Variants in A3GALT2 observed in about 807,000 individuals in gnomAD.
The protein encoded by A3GALT2 is alpha-1,3-galactosyltransferase 2.
A neutral mutation model predicts 16.6 loss-of-function variants in A3GALT2; 14 were observed. The ratio of observed to expected loss-of-function variants is 0.84; its 90% CI spans 0.56 to 1.32. A3GALT2 has a LOEUF of 1.32. A3GALT2 is among the 40% of genes most tolerant of loss of function. The probability of loss-of-function intolerance (pLI) is 0.00; values close to 1 mark genes in which losing one functional copy is unlikely to be tolerated. For synonymous variants in A3GALT2, 253 were observed against 218.0 expected (o/e 1.16, Z -1.42); for missense variants, 600 against 490.9 (o/e 1.22, Z -2.10).
rs56655319 is a variant in A3GALT2, at chr1:33,308,750, G to GTTTTTTTTTTTTTTTTTTTTTTTT, written c.336-1321_336-1298dup. ...ATTATTTTTTTGTCATGTCAAAGTT[G>GTTTTTTTTTTTTTTTTTTTTTTTT]TTTTTTTTTTTTTTTTTTTTTTTTT... is the stretch of plus-strand genomic sequence containing the variant. On this transcript the variant is annotated intron_variant, in intron 4 of 4. Transcript: ENST00000442999. 1.7e-4 allele frequency among the ~76,000 whole-genome samples: 8 copies of GTTTTTTTTTTTTTTTTTTTTTTTT among 46,126 alleles called. 1 individual carries two copies. The highest frequency in any genetic ancestry group is 3.7e-4 in the African/African-American group (3 of 8,196). 30.3% of individuals were successfully genotyped at this position (46,126 alleles called of 152,430 possible).
intron 1 of A3GALT2, among the ~76,000 whole-genome samples, chr1:33,317,038 T>C (rs913639659): frequency 2.0e-5 from 3 of 152,114 alleles, no homozygotes; most frequent in African/African-American, 7.2e-5. Context: ...TGTGCTTGTT[T>C]CCCTTACACA....
At chr1:33,315,856 T>C (rs1646259014) in intron 1 of A3GALT2, among the ~76,000 whole-genome samples, 1 of 152,156 alleles carries the variant, frequency 6.6e-6, no homozygotes. Flanking sequence ...CTGTGCTAAG[T>C]CAGGGATTCA....
At chr1:33,318,804 C>G (rs922404706) in intron 1 of A3GALT2, among the ~76,000 whole-genome samples, 1 of 152,222 alleles carries the variant, frequency 6.6e-6, no homozygotes, top group African/African-American at 2.4e-5. Context: ...TCCCAGACCT[C>G]TCCTCCAGTA....
chr1:33,306,905 T>C lies in A3GALT2; in HGVS notation c.884A>G (p.Asn295Ser), dbSNP rs1307984379. ...GGGCTTGTGCAGCCAGAAGAACTTG[T>C]TGAGGTGGCTCTCGTCGTGCCAGCG... ...EARWHDESHL[N>S]KFFWLHKPAK... The change falls in exon 5 of 5, where the codon AAC (asparagine) becomes AGC (serine). Residue 295 changes from asparagine to serine, a missense_variant. By Grantham distance (46) the Asn-to-Ser change is conservative. Transcript: ENST00000442999. The C allele has an allele frequency of 6.6e-7, 1 of 1,522,698 alleles. No homozygotes were observed. 94.3% of individuals were successfully genotyped at this position (1,522,698 alleles called of 1,614,324 possible).
In A3GALT2 at chr1:33,314,994, C is replaced by T. The variant is rs570411755; in HGVS notation, c.24-2104G>A. Among the ~76,000 whole-genome samples the T allele has an allele frequency of 2.6e-5, 4 of 152,122 alleles. No homozygotes were observed. In the South Asian group the frequency reaches 8.3e-4, roughly 32 times the overall value. Reference sequence around the variant, plus strand: ...GCTGGGAGGGGCTTGTGCATGTAATCCCAGTGTTTTCGGAGGTCAAGGCAG... The same window carrying T: ...GCTGGGAGGGGCTTGTGCATGTAATTCCAGTGTTTTCGGAGGTCAAGGCAG... On this transcript the variant is annotated intron_variant, in intron 1 of 4. Coordinates refer to ENST00000442999, the MANE Select transcript of A3GALT2 (RefSeq NM_001080438.1).
intron 1 of A3GALT2, among the ~76,000 whole-genome samples, chr1:33,318,293 A>G (rs988656988): frequency 1.3e-5 from 2 of 152,204 alleles, no homozygotes; most frequent in Admixed American, 6.5e-5. Flanking sequence ...AAATAAAAAT[A>G]TTGTTACAAA....
intron 1 of A3GALT2, among the ~76,000 whole-genome samples, chr1:33,316,940 G>A (rs1646264639): frequency 6.6e-6 from 1 of 152,132 alleles, no homozygotes; most frequent in African/African-American, 2.4e-5. Context: ...TTGGGTGGGA[G>A]TGGGGCTGTC....
Position 33,306,929 on chromosome 1 carries a change from C to G in A3GALT2, c.860G>C (p.Arg287Pro), listed in dbSNP as rs913778370. Reference protein sequence around the residue: ...DWDRARGLEARWHDESHLNKF... With the variant: ...DWDRARGLEAPWHDESHLNKF... ...GTTGAGGTGGCTCTCGTCGTGCCAG[C>G]GCGCCTCCAGGCCGCGCGCGCGGTC... Residue 287 changes from arginine (R) to proline (P), a missense_variant, in exon 5 of 5, where the codon CGC (arginine) becomes CCC (proline). By Grantham distance (103) the Arg-to-Pro change is moderately radical. Coordinates refer to ENST00000442999, the MANE Select transcript of A3GALT2 (RefSeq NM_001080438.1). The G allele has an allele frequency of 2.3e-5, 35 of 1,516,884 alleles. No homozygotes were observed. The highest frequency in any genetic ancestry group is 2.9e-5 in the Non-Finnish European group (33 of 1,138,770). 94.0% of individuals were successfully genotyped at this position (1,516,884 alleles called of 1,614,324 possible).
At position 33,307,398 on chromosome 1, in the gene A3GALT2, C is replaced by G; in HGVS notation, c.391G>C (p.Ala131Pro). Reference sequence around the variant, plus strand: ...ACGTAGTACATCACGCTCTGGCCCGCCATGAAGTGCTGCTCCGCCGTCTCC... The same window carrying G: ...ACGTAGTACATCACGCTCTGGCCCGGCATGAAGTGCTGCTCCGCCGTCTCC... ...FLETAEQHFMAGQSVMYYVFT... is the reference protein window; with the variant it reads ...FLETAEQHFMPGQSVMYYVFT... The change falls in exon 5 of 5, where the codon GCG becomes CCG. Residue 131 changes from alanine (A) to proline (P), a missense_variant. By Grantham distance (27) the Ala-to-Pro change is conservative (BLOSUM62 -1). Coordinates refer to ENST00000442999, the MANE Select transcript of A3GALT2 (RefSeq NM_001080438.1). 6.4e-7 allele frequency: 1 copy of G among 1,562,404 alleles called. No individual in the cohort carries two copies. Among genetic ancestry groups the G allele is most frequent in the Admixed American group, 1.8e-5 (1 of 54,294 alleles).
intron 1 of A3GALT2, among the ~76,000 whole-genome samples, chr1:33,319,764 C>T (rs576202456): frequency 6.6e-6 from 1 of 152,312 alleles, no homozygotes; most frequent in Non-Finnish European, 1.5e-5. Context: ...CATTCCCTGC[C>T]TCCTGGGGCA....
intron 1 of A3GALT2, among the ~76,000 whole-genome samples, chr1:33,315,995 C>T (rs761210612): frequency 6.6e-6 from 1 of 152,080 alleles, no homozygotes; most frequent in Non-Finnish European, 1.5e-5. Context: ...TGGAACACGG[C>T]ACAATGAATG....
Position 33,307,318 on chromosome 1 carries a change from C to A in A3GALT2, c.471G>T (p.Arg157=). The change falls in exon 5 of 5, where the codon CGG becomes CGT. Residue 157 remains arginine (R), a synonymous_variant. Coordinates refer to ENST00000442999, the MANE Select transcript of A3GALT2 (RefSeq NM_001080438.1). Reference sequence around the variant, plus strand: ...CGCGCGCCACGCGCTCCACGGGCAGCCGGCGTCCCGGGCCCAGCGCCACGC... The same window carrying A: ...CGCGCGCCACGCGCTCCACGGGCAGACGGCGTCCCGGGCCCAGCGCCACGC... ...VPRVALGPGR[R]LPVERVARER... 1 of 1,503,178 alleles carries A rather than the reference C, an allele frequency of 6.7e-7. No individual in the cohort carries two copies. Among genetic ancestry groups the A allele is most frequent in the Non-Finnish European group, 8.8e-7 (1 of 1,136,324 alleles). The allele number at this position is 1,503,178 out of a possible 1,614,324, so 93.1% of individuals were successfully genotyped here. A position where few individuals can be genotyped will look rare whatever the true frequency, so the allele number is the denominator to read the frequency against.
Position 33,307,021 on chromosome 1 carries a change from C to T in A3GALT2, c.768G>A (p.Ala256=). Residue 256 remains alanine, a synonymous_variant, in exon 5 of 5, where the codon GCG becomes GCA. Coordinates refer to ENST00000442999, the MANE Select transcript of A3GALT2 (RefSeq NM_001080438.1). ...GCGCCGCCACGCTGCCCCCGAACAC[C>T]GCCGCGTGGTTATAGAAGTCGCCCT... The part of the protein sequence containing the change: ...WGQGDFYNHA[A]VFGGSVAALR... The T allele has an allele frequency of 6.8e-7, 1 of 1,480,664 alleles. No individual in the cohort carries two copies. The highest frequency in any genetic ancestry group is 8.9e-7 in the Non-Finnish European group (1 of 1,120,380). 91.7% of individuals were successfully genotyped at this position (1,480,664 alleles called of 1,614,324 possible). A position where few individuals can be genotyped will look rare whatever the true frequency, so the allele number is the denominator to read the frequency against.
rs140368060 is a variant in A3GALT2, at chr1:33,310,110, C to T, written c.335+1942G>A. The stretch of plus-strand genomic sequence containing the variant: ...CGCAGTCAGGAGCTGGAGACCAGCC[C>T]GGCCAACACGGCGAAACTCCGACTC... On this transcript the variant is annotated intron_variant, in intron 4 of 4. Coordinates refer to ENST00000442999, the MANE Select transcript of A3GALT2 (RefSeq NM_001080438.1). Among the ~76,000 whole-genome samples, 122 of 152,362 alleles carry T rather than the reference C, an allele frequency of 8.0e-4. 1 individual carries two copies. In the East Asian group the frequency reaches 0.019, roughly 23 times the overall value.
rs571374337 is a variant in A3GALT2, at chr1:33,312,113, C to T, written c.274G>A (p.Ala92Thr). The T allele has an allele frequency of 1.2e-6, 2 of 1,613,716 alleles. No homozygotes were observed. The highest frequency in any genetic ancestry group is 1.7e-6 in the Non-Finnish European group (2 of 1,179,844). Residue 92 changes from alanine (A) to threonine (T), a missense_variant, in exon 4 of 5, where the codon GCC becomes ACC. Ala to Thr is a moderately conservative substitution (Grantham distance 58). Transcript: ENST00000442999. Reference sequence around the variant, plus strand: ...TTCTGCTGTCTAGCCTCTTGCTTGGCCACATCTGGGTCGAAAGAGCCATCC... The same window carrying T: ...TTCTGCTGTCTAGCCTCTTGCTTGGTCACATCTGGGTCGAAAGAGCCATCC... ...IWDGSFDPDV[A>T]KQEARQQNLT...
At position 33,307,430 on chromosome 1, in the gene A3GALT2, C is replaced by T. The variant is rs1209090489; in HGVS notation, c.359G>A (p.Arg120His). 3.3e-6 allele frequency: 5 copies of T among 1,535,664 alleles called. No homozygotes were observed. Among genetic ancestry groups the T allele is most frequent in the African/African-American group, 2.9e-5 (2 of 69,568 alleles). ...GTGCTGCTCCGCCGTCTCCAGGAAG[C>T]GCTCCAGGTACTTCTCCAGGTATCT... is the stretch of plus-strand genomic sequence containing the variant. ...VGRYLEKYLE[R>H]FLETAEQHFM... Residue 120 changes from arginine (R) to histidine (H), a missense_variant, in exon 5 of 5, where the codon CGC becomes CAC. Transcript: ENST00000442999.
chr1:33,316,331 G>A (rs1161147104), intron 1 of A3GALT2, among the ~76,000 whole-genome samples: 2 of 152,148 alleles, frequency 1.3e-5, no homozygotes, highest in Admixed American at 1.3e-4. Context: ...GGGCCCGCAT[G>A]TCAGGCTCGG....
At chr1:33,316,436 A>G (rs755539109) in intron 1 of A3GALT2, among the ~76,000 whole-genome samples, 10 of 152,154 alleles carry the variant, frequency 6.6e-5, no homozygotes, top group Non-Finnish European at 1.2e-4. Flanking sequence ...AAAACAAAAC[A>G]AAACAAAACA....
rs755958173 is a variant in A3GALT2, at chr1:33,306,965, C to A, written c.824G>T (p.Gly275Val). ...GCCGCGCGCGCGGTCCCAGTCCAGG[C>A]CCCCCGCACAGTGCGCCGTCAGCCC... ...LRGLTAHCAG[G>V]LDWDRARGLE... The change falls in exon 5 of 5, where the codon GGC becomes GTC. Residue 275 changes from glycine to valine, a missense_variant. Coordinates refer to ENST00000442999, the MANE Select transcript of A3GALT2 (RefSeq NM_001080438.1). The A allele has an allele frequency of 6.7e-7, 1 of 1,489,616 alleles. No homozygotes were observed. Among genetic ancestry groups the A allele is most frequent in the African/African-American group, 1.5e-5 (1 of 68,314 alleles). 92.3% of individuals were successfully genotyped at this position (1,489,616 alleles called of 1,614,324 possible). A position where few individuals can be genotyped will look rare whatever the true frequency, so the allele number is the denominator to read the frequency against.
Sources: gnomAD v4.1 joint callset for allele counts (sites outside exome capture counted in the v4.1 genomes callset) on GRCh38, gnomAD v4.1.1 for gene constraint, MANE v1.5 for transcripts, NCBI Gene and HGNC (gene_info 2026-07-23, HGNC 2026-07-21) for gene names.